Variants in FLNB observed in about 807,000 individuals in gnomAD.
FLNB encodes filamin B, also known as filamin-B.
A neutral mutation model predicts 250.6 loss-of-function variants in FLNB; 111 were observed. That is an observed-to-expected ratio of 0.44 (90% confidence interval 0.38 to 0.52). The LOEUF is 0.52. Ranked by LOEUF, FLNB falls within the 20% of genes least tolerant of loss-of-function variation. FLNB has a pLI of 0.00. For missense variants in FLNB, 2,869 were observed against 3,447.8 expected (o/e 0.83, Z 4.20); for synonymous variants, 1,302 against 1,372.1 (o/e 0.95, Z 1.13).
intron 4 of FLNB, among the ~76,000 whole-genome samples, chr3:58,086,602 T>C (rs1403131709): frequency 6.6e-6 from 1 of 152,204 alleles, no homozygotes. Flanking sequence ...GATTATCTTA[T>C]TATATAACAG....
chr3:58,089,051 A>G (rs2097221922), intron 4 of FLNB, among the ~76,000 whole-genome samples: 1 of 152,118 alleles, frequency 6.6e-6, no homozygotes, highest in Non-Finnish European at 1.5e-5. Context: ...CAGCTACAAC[A>G]GAACATTTAC....
chr3:58,046,429 A>G (rs1450882690), intron 1 of FLNB, among the ~76,000 whole-genome samples: 1 of 151,788 alleles, frequency 6.6e-6, no homozygotes, highest in Non-Finnish European at 1.5e-5. Flanking sequence ...GAATTATGCA[A>G]CTATCATCAC....
intron 28 of FLNB, among the ~76,000 whole-genome samples, chr3:58,137,108 A>G (rs1205803830): frequency 1.3e-5 from 2 of 152,102 alleles, no homozygotes; most frequent in Non-Finnish European, 2.9e-5. Flanking sequence ...CTCTAAAATG[A>G]GACAGATTTA....
chr3:58,018,925 G>C lies in FLNB; in HGVS notation c.292+10069G>C, dbSNP rs529471927. Among the ~76,000 whole-genome samples, 3 of 145,516 alleles carry C rather than the reference G, an allele frequency of 2.1e-5. No homozygotes were observed. The South Asian group carries it at 6.6e-4, about 32-fold the overall frequency. ...GGTGCTGGAGGATCTATTGAGGCCAGGAGTTTAAGACCAGCCTGGGTGAGA... is the reference window on the plus strand; with the variant it reads ...GGTGCTGGAGGATCTATTGAGGCCACGAGTTTAAGACCAGCCTGGGTGAGA... On this transcript the variant is annotated intron_variant, in intron 1 of 45. Coordinates refer to ENST00000295956, the MANE Select transcript of FLNB (RefSeq NM_001457.4).
At chr3:58,049,759 G>A (rs899759937) in intron 1 of FLNB, among the ~76,000 whole-genome samples, 1 of 152,192 alleles carries the variant, frequency 6.6e-6, no homozygotes, top group Non-Finnish European at 1.5e-5. Context: ...AACACTCCAG[G>A]AGCTGCAAAG....
chr3:58,135,080 C>T (rs977791549), intron 27 of FLNB, among the ~76,000 whole-genome samples: 1 of 152,110 alleles, frequency 6.6e-6, no homozygotes, highest in Admixed American at 6.5e-5. Flanking sequence ...CTTGAACTCT[C>T]TTGGGTTCAA....
Position 58,169,727 on chromosome 3 carries a change from G to T in FLNB, c.7555G>T (p.Gly2519Trp). 1.9e-6 allele frequency: 3 copies of T among 1,614,114 alleles called. No homozygotes were observed. The highest frequency in any genetic ancestry group is 2.5e-6 in the Non-Finnish European group (3 of 1,180,012). Residue 2519 changes from glycine (G) to tryptophan (W), a missense_variant, in exon 45 of 46, where the codon GGG becomes TGG. By Grantham distance (184) the Gly-to-Trp change is radical (BLOSUM62 -2). Around this residue, in one of 5 missense-constraint regions of FLNB, gnomAD observed 1,084 missense variants for 1,315.5 expected, o/e 0.82. Coordinates refer to ENST00000295956, the MANE Select transcript of FLNB (RefSeq NM_001457.4). This position sits in a 1 kb window ranked among gnomAD's most constrained non-coding sequence, Gnocchi z 4.8. ...GGACGCCAGCAAGGTGACCTCTAAG[G>T]GGGCAGGGCTCTCAAAGGCCTTTGT... Reference protein sequence around the residue: ...SSDASKVTSKGAGLSKAFVGQ... With the variant: ...SSDASKVTSKWAGLSKAFVGQ...
intron 1 of FLNB, among the ~76,000 whole-genome samples, chr3:58,018,163 C>A (rs746955106): frequency 1.8e-4 from 27 of 151,982 alleles, no homozygotes; most frequent in Non-Finnish European, 3.5e-4. Context: ...TATACTACTT[C>A]TAATCCTCGT....
At position 58,052,131 on chromosome 3, in the gene FLNB, G is replaced by A. The variant is rs369387036; in HGVS notation, c.293-24915G>A. ...TTGAACTCCTGACCTCAGGTGATCC[G>A]CCCACCTCGGCCTACCAAAGTGCTG... On this transcript the variant is annotated intron_variant, in intron 1 of 45. Coordinates refer to ENST00000295956, the MANE Select transcript of FLNB (RefSeq NM_001457.4). 1.6e-4 allele frequency among the ~76,000 whole-genome samples: 24 copies of A among 152,182 alleles called. No homozygotes were observed. In the South Asian group the frequency reaches 2.3e-3, roughly 14 times the overall value.
intron 1 of FLNB, among the ~76,000 whole-genome samples, chr3:58,074,282 C>G (rs993087589): frequency 2.6e-5 from 4 of 152,230 alleles, no homozygotes; most frequent in Admixed American, 1.3e-4. Flanking sequence ...TGTGGTTTAA[C>G]AGATCCTTCA....
chr3:58,024,421 A>C (rs1220235741), intron 1 of FLNB, among the ~76,000 whole-genome samples: 5 of 152,098 alleles, frequency 3.3e-5, no homozygotes, highest in Non-Finnish European at 5.9e-5. Context: ...GGTGGTCATC[A>C]TGCTCCCCAC....
chr3:58,059,790 A>C (rs887628131), intron 1 of FLNB, among the ~76,000 whole-genome samples: 3 of 152,180 alleles, frequency 2.0e-5, no homozygotes, highest in Non-Finnish European at 4.4e-5. Flanking sequence ...TAGGAGGATG[A>C]TGTAACCCTC....
chr3:58,114,142 G>A (rs1420069074), intron 18 of FLNB, among the ~76,000 whole-genome samples: 2 of 151,758 alleles, frequency 1.3e-5, no homozygotes, highest in Admixed American at 1.3e-4. Flanking sequence ...CTTGAGACTC[G>A]CTCTGTTCCT....
intron 1 of FLNB, among the ~76,000 whole-genome samples, chr3:58,068,828 A>G (rs2097189797): frequency 6.6e-6 from 1 of 152,116 alleles, no homozygotes; most frequent in South Asian, 2.1e-4. Context: ...GATCTATTCT[A>G]GTTTTGTGCA....
intron 1 of FLNB, among the ~76,000 whole-genome samples, chr3:58,060,747 G>A (rs1233402120): frequency 8.8e-6 from 1 of 114,224 alleles, no homozygotes; most frequent in Admixed American, 1.3e-4. Flanking sequence ...GCCAGCCTGG[G>A]CAACAGAGCA....
chr3:58,103,769 G>A (rs2097254800), intron 9 of FLNB, among the ~76,000 whole-genome samples, 190 bp from the exon 10 acceptor site: 1 of 152,184 alleles, frequency 6.6e-6, no homozygotes. Flanking sequence ...AGCAGAGATG[G>A]CTGTGTTTTT....
chr3:58,136,816 A>G (rs2097316985), intron 28 of FLNB, among the ~76,000 whole-genome samples: 1 of 135,720 alleles, frequency 7.4e-6, no homozygotes, highest in Non-Finnish European at 1.5e-5. Flanking sequence ...CAGTGACGCA[A>G]TCTCAGCTCA....
intron 9 of FLNB, 139 bp from the exon 10 acceptor site, chr3:58,103,820 C>T: frequency 1.1e-6 from 1 of 940,264 alleles, no homozygotes; most frequent in Non-Finnish European, 1.7e-6. Context: ...GGAGAGGTCC[C>T]ATACTCTGGG....
At chr3:58,113,666 C>T (rs2097272848) in intron 18 of FLNB, among the ~76,000 whole-genome samples, 1 of 152,096 alleles carries the variant, frequency 6.6e-6, no homozygotes, top group Admixed American at 6.6e-5. Flanking sequence ...GCTTTCTTCC[C>T]CAAATTTTTA....
Sources: allele counts gnomAD v4.1 joint callset (sites outside exome capture counted in the v4.1 genomes callset), GRCh38; gene constraint gnomAD v4.1.1; regional missense constraint gnomAD v4.1.1; non-coding constraint Gnocchi (gnomAD v3.1); transcripts MANE v1.5; gene names NCBI Gene and HGNC (gene_info 2026-07-23, HGNC 2026-07-21).